Variants in ATP8B1 observed in about 807,000 individuals in gnomAD.
ATP8B1 encodes phospholipid-transporting ATPase IC.
Under a neutral mutation model 149.9 loss-of-function variants are expected in ATP8B1, and 80 were observed. The observed-to-expected ratio is 0.53, with a 90% CI of 0.45 to 0.64. The LOEUF (loss-of-function observed/expected upper bound fraction) is 0.64, where lower values mean the gene tolerates loss of function less well. ATP8B1 is among the 30% of genes least tolerant of loss of function. The pLI is 0.00. For synonymous variants in ATP8B1, 536 were observed against 562.8 expected (o/e 0.95, Z 0.67); for missense variants, 1,247 against 1,552.6 (o/e 0.80, Z 3.31).
rs767958544 is a variant in ATP8B1 at position 57,731,849 on chromosome 18, A to G, written c.-25-17T>C. 38 of 1,612,192 alleles carry G rather than the reference A, an allele frequency of 2.4e-5. No homozygotes were observed. Among genetic ancestry groups the G allele is most frequent in the Non-Finnish European group, 3.4e-6 (4 of 1,178,504 alleles). ...AACTACCTGCTTAAAAGGAAAGAGA[A>G]ACCAGAGTGAATTATGACTCTTGCC... On this transcript the variant is annotated splice_polypyrimidine_tract_variant and intron_variant, in intron 1 of 27. Transcript: ENST00000648908.
chr18:57,759,458 T>C (rs773162300), intron 1 of ATP8B1, among the ~76,000 whole-genome samples: 7 of 152,084 alleles, frequency 4.6e-5, no homozygotes, highest in Non-Finnish European at 8.8e-5. Context: ...AAAAATCACC[T>C]TGTGAACCTT....
At chr18:57,747,277 AC>A (rs2079973433) in intron 1 of ATP8B1, among the ~76,000 whole-genome samples, 1 of 151,940 alleles carries the variant, frequency 6.6e-6, no homozygotes, top group East Asian at 1.9e-4. Context: ...ACATGGTGAA[AC>A]CCCATCTCTA....
At position 57,652,454 on chromosome 18, in the gene ATP8B1, C is replaced by T. The variant is rs144084458; in HGVS notation, c.3261+30G>A. 3.5e-4 allele frequency: 565 copies of T among 1,613,964 alleles called. 6 individuals are homozygous for T. In the African/African-American group the frequency reaches 6.3e-3, roughly 18 times the overall value. On this transcript the variant is annotated intron_variant, in intron 25 of 27. Coordinates refer to ENST00000648908, the MANE Select transcript of ATP8B1 (RefSeq NM_001374385.1). ...AGAAATATAAGTAGGTACCAATAGA[C>T]ACTGAATACGGCCAATGAAAGCCAC...
chr18:57,653,909 G>T (rs936397260), intron 24 of ATP8B1, 83 bp downstream of exon 24: 4 of 1,221,590 alleles, frequency 3.3e-6, no homozygotes, highest in Non-Finnish European at 4.8e-6. Context: ...AACACCAGAA[G>T]AATGCATTGA....
At chr18:57,706,778 C>T (rs1913418379) in intron 2 of ATP8B1, among the ~76,000 whole-genome samples, 191 bp from the exon 3 acceptor site, 1 of 152,136 alleles carries the variant, frequency 6.6e-6, no homozygotes, top group Non-Finnish European at 1.5e-5. Flanking sequence ...CCTAATTCAA[C>T]ATGACTGATA....
chr18:57,775,992 T>A (rs891675213), intron 1 of ATP8B1, among the ~76,000 whole-genome samples: 3 of 152,100 alleles, frequency 2.0e-5, no homozygotes, highest in African/African-American at 7.2e-5. Context: ...TTAGTCAAAA[T>A]AAAAGGCAAT....
At chr18:57,785,531 A>G (rs544890195) in intron 1 of ATP8B1, among the ~76,000 whole-genome samples, 58 of 152,252 alleles carry the variant, frequency 3.8e-4, no homozygotes, top group African/African-American at 1.3e-3. Context: ...TTTGAGACGG[A>G]GTCTCGCTCT....
chr18:57,797,906 T>C (rs953285309), intron 1 of ATP8B1, among the ~76,000 whole-genome samples: 3 of 151,876 alleles, frequency 2.0e-5, no homozygotes, highest in Admixed American at 6.6e-5. Context: ...GAGGTTTCAC[T>C]ATGTGGGCAG....
intron 1 of ATP8B1, among the ~76,000 whole-genome samples, chr18:57,796,830 G>A (rs1219373738): frequency 1.3e-5 from 2 of 152,150 alleles, no homozygotes; most frequent in Non-Finnish European, 2.9e-5. Flanking sequence ...GAGACTACAG[G>A]CGTGTGCCAC....
rs546773047 is a variant in ATP8B1, at chr18:57,784,828, C to CTGCA, written c.-26+18166_-26+18169dup. ...ATACTTCTTTGTTGTAGAGGCTGAG[C>CTGCA]TGCATATTGTAGGATATTTAGAAGT... On this transcript the variant is annotated intron_variant, in intron 1 of 27. Transcript: ENST00000648908. The surrounding 1 kb of genome is among the most constrained non-coding windows in gnomAD (Gnocchi z 4.4). Among the ~76,000 whole-genome samples the CTGCA allele has an allele frequency of 1.2e-4, 19 of 152,292 alleles. No homozygotes were observed. In the South Asian group the frequency reaches 3.7e-3, roughly 30 times the overall value.
In ATP8B1 at chr18:57,669,499, A is replaced by G. The variant is rs1267076057; in HGVS notation, c.1933-17T>C. 1.2e-6 allele frequency: 2 copies of G among 1,604,892 alleles called. No individual in the cohort carries two copies. Among genetic ancestry groups the G allele is most frequent in the East Asian group, 4.5e-5 (2 of 44,778 alleles). On this transcript the variant is annotated splice_polypyrimidine_tract_variant and intron_variant, in intron 17 of 27. Coordinates refer to ENST00000648908, the MANE Select transcript of ATP8B1 (RefSeq NM_001374385.1). ...TGCAAAGATCTGTTTTATTTAAAAA[A>G]ATAAATCCACCAATGCAAAGAATAG...
chr18:57,711,163 A>G (rs1308255581), intron 2 of ATP8B1, among the ~76,000 whole-genome samples: 1 of 152,182 alleles, frequency 6.6e-6, no homozygotes, highest in Non-Finnish European at 1.5e-5. Flanking sequence ...TGCACTGACC[A>G]AATAATCACA....
chr18:57,770,045 A>T (rs962582626), intron 1 of ATP8B1, among the ~76,000 whole-genome samples: 3 of 149,168 alleles, frequency 2.0e-5, no homozygotes, highest in Non-Finnish European at 3.0e-5. Flanking sequence ...TAAAACCCTC[A>T]TGCTGAGAAC....
intron 1 of ATP8B1, among the ~76,000 whole-genome samples, chr18:57,794,792 A>AAGAAAGAAAGAAAGAAAGG (rs2080495466): frequency 6.8e-6 from 1 of 147,948 alleles, no homozygotes; most frequent in African/African-American, 2.5e-5. Flanking sequence ...CTCCGCCTCA[A>AAGAAAGAAAGAAAGAAAGG]AAAGAAAGAA....
rs540948434 is a variant in ATP8B1, at chr18:57,784,698, G to A, written c.-26+18300C>T. Among the ~76,000 whole-genome samples the A allele has an allele frequency of 5.3e-5, 8 of 151,728 alleles. No individual in the cohort carries two copies. In the East Asian group the frequency reaches 1.2e-3, roughly 22 times the overall value. On this transcript the variant is annotated intron_variant, in intron 1 of 27. Coordinates refer to ENST00000648908, the MANE Select transcript of ATP8B1 (RefSeq NM_001374385.1). This position sits in a 1 kb window ranked among gnomAD's most constrained non-coding sequence, Gnocchi z 4.4. ...AACGTGCAGGAGAGTATTATGAAAC[G>A]TGCCTATGACTAAGTCCTGCGAAAC...
intron 3 of ATP8B1, among the ~76,000 whole-genome samples, chr18:57,706,173 A>G (rs185150127): frequency 7.4e-4 from 112 of 152,312 alleles, no homozygotes; most frequent in Non-Finnish European, 7.4e-5. Flanking sequence ...ATTCCTTTCA[A>G]ACTCATTACT....
intron 13 of ATP8B1, among the ~76,000 whole-genome samples, chr18:57,685,761 A>G (rs1599114556): frequency 6.6e-6 from 1 of 151,578 alleles, no homozygotes; most frequent in Admixed American, 6.6e-5. Flanking sequence ...GTGAAACTCC[A>G]TCTCTATTAA....
intron 4 of ATP8B1, among the ~76,000 whole-genome samples, chr18:57,701,886 T>G (rs1360845672): frequency 6.6e-6 from 1 of 151,894 alleles, no homozygotes; most frequent in East Asian, 1.9e-4. Flanking sequence ...TTAGTAGAGA[T>G]GGGTTTTCAC....
chr18:57,656,313 A>G (rs1206606015), intron 22 of ATP8B1, among the ~76,000 whole-genome samples: 1 of 152,096 alleles, frequency 6.6e-6, no homozygotes, highest in Non-Finnish European at 1.5e-5. Flanking sequence ...TGGAATTAGA[A>G]GTCAGTTATT....
Sources: allele counts gnomAD v4.1 joint callset (sites outside exome capture counted in the v4.1 genomes callset), GRCh38; gene constraint gnomAD v4.1.1; non-coding constraint Gnocchi (gnomAD v3.1); transcripts MANE v1.5; gene names NCBI Gene and HGNC (gene_info 2026-07-23, HGNC 2026-07-21).